EYA2: variants seen among roughly 807,000 people sequenced by gnomAD.
EYA2 encodes the protein EYA transcriptional coactivator and phosphatase 2.
Under a neutral mutation model 69.2 loss-of-function variants are expected in EYA2, and 31 were observed. The ratio of observed to expected loss-of-function variants is 0.45; its 90% CI spans 0.34 to 0.60. The LOEUF (loss-of-function observed/expected upper bound fraction) is 0.60, where lower values mean the gene tolerates loss of function less well. Among genes scored for constraint, EYA2 ranks in the 20% least tolerant of loss-of-function variants. The pLI, the probability that EYA2 is intolerant of heterozygous loss-of-function variation, is 0.02. For synonymous variants in EYA2, 257 were observed against 279.4 expected (o/e 0.92, Z 0.80); for missense variants, 622 against 701.2 (o/e 0.89, Z 1.28).
intron 5 of EYA2, among the ~76,000 whole-genome samples, chr20:47,063,392 C>T (rs12480845): frequency 1.9e-3 from 277 of 143,472 alleles, no homozygotes; most frequent in African/African-American, 5.5e-3. Context: ...TGTGCGTGTG[C>T]GTGTGTGTGT....
chr20:47,173,263 G>A (rs984329340), intron 12 of EYA2, among the ~76,000 whole-genome samples: 4 of 151,940 alleles, frequency 2.6e-5, no homozygotes, highest in Admixed American at 1.3e-4. Context: ...GAAACTCTGC[G>A]CTGGGGCCCA....
At chr20:46,990,723 G>C (rs1981601700) in intron 2 of EYA2, among the ~76,000 whole-genome samples, 1 of 152,218 alleles carries the variant, frequency 6.6e-6, no homozygotes, top group South Asian at 2.1e-4. Flanking sequence ...GTTAGCAAAA[G>C]GCATTAAGCT....
intron 2 of EYA2, among the ~76,000 whole-genome samples, chr20:46,993,167 G>A (rs1981791629): frequency 6.6e-6 from 1 of 152,174 alleles, no homozygotes; most frequent in African/African-American, 2.4e-5. Context: ...TCTGTTTAAT[G>A]GGAGTAATTA....
intron 1 of EYA2, among the ~76,000 whole-genome samples, chr20:46,934,951 C>T (rs1985845158): frequency 6.6e-6 from 1 of 152,226 alleles, no homozygotes; most frequent in East Asian, 1.9e-4. Context: ...ATTCATCCAA[C>T]ACATATTTAC....
chr20:47,133,540 G>T (rs79306458), intron 9 of EYA2, among the ~76,000 whole-genome samples: 13 of 152,124 alleles, frequency 8.5e-5, no homozygotes, highest in African/African-American at 2.9e-4. Context: ...ACTGTGTTGG[G>T]AATCCCCAAG....
chr20:47,094,878 C>A (rs1036669400), intron 8 of EYA2, among the ~76,000 whole-genome samples: 1 of 151,904 alleles, frequency 6.6e-6, no homozygotes. Context: ...AAAGAAAGAT[C>A]AAAAATTAGC....
chr20:47,136,741 CAAAAAA>C (rs11482117), intron 9 of EYA2, among the ~76,000 whole-genome samples: 1 of 108,166 alleles, frequency 9.2e-6, no homozygotes, highest in Non-Finnish European at 1.8e-5. Flanking sequence ...GACCCTGTCT[CAAAAAA>C]AAAAAAAAAA....
At chr20:46,942,167 A>G (rs1173641889) in intron 1 of EYA2, among the ~76,000 whole-genome samples, 2 of 152,038 alleles carry the variant, frequency 1.3e-5, no homozygotes, top group Admixed American at 6.6e-5. Context: ...TGGGTGGTGG[A>G]CAACCTAAGG....
intron 1 of EYA2, among the ~76,000 whole-genome samples, chr20:46,970,154 A>G (rs1158650303): frequency 1.3e-5 from 2 of 152,260 alleles, no homozygotes; most frequent in African/African-American, 4.8e-5. Context: ...ATCAGTTCTC[A>G]GATTGCCATA....
At chr20:46,954,383 CA>C (rs1455451905) in intron 1 of EYA2, among the ~76,000 whole-genome samples, 1 of 152,038 alleles carries the variant, frequency 6.6e-6, no homozygotes, top group African/African-American at 2.4e-5. Context: ...GGAAGGGGGG[CA>C]AATAAGAAAA....
At chr20:47,132,262 A>C (rs551003054) in intron 9 of EYA2, among the ~76,000 whole-genome samples, 3 of 152,312 alleles carry the variant, frequency 2.0e-5, no homozygotes, top group African/African-American at 7.2e-5. Flanking sequence ...GTGTTTTAGA[A>C]GGAGGGAGTA....
chr20:47,014,388 T>TA (rs1274317924), intron 4 of EYA2, among the ~76,000 whole-genome samples: 1 of 152,226 alleles, frequency 6.6e-6, no homozygotes, highest in African/African-American at 2.4e-5. Flanking sequence ...AATGAAATTT[T>TA]AAACAGCAAT....
chr20:47,167,778 C>T (rs1363556399), intron 10 of EYA2, among the ~76,000 whole-genome samples: 1 of 152,060 alleles, frequency 6.6e-6, no homozygotes, highest in African/African-American at 2.4e-5. Context: ...AACTTCCCAC[C>T]TCAAGATCTC....
At chr20:47,170,005 A>T (rs1237176182) in intron 11 of EYA2, among the ~76,000 whole-genome samples, 2 of 152,076 alleles carry the variant, frequency 1.3e-5, no homozygotes, top group East Asian at 3.9e-4. Flanking sequence ...TCCCAGGCTC[A>T]AGCAATTCTC....
chr20:47,093,850 G>A (rs781361581), intron 8 of EYA2, among the ~76,000 whole-genome samples: 1 of 152,184 alleles, frequency 6.6e-6, no homozygotes, highest in African/African-American at 2.4e-5. Flanking sequence ...GCTGAGTCAC[G>A]CAGGCCTGGG....
At chr20:46,990,753 C>A (rs1464282936) in intron 2 of EYA2, among the ~76,000 whole-genome samples, 1 of 152,224 alleles carries the variant, frequency 6.6e-6, no homozygotes, top group East Asian at 1.9e-4. Context: ...AACCATTGGG[C>A]TTAACCCTTT....
intron 10 of EYA2, among the ~76,000 whole-genome samples, chr20:47,156,908 A>G (rs747664251): frequency 3.3e-5 from 5 of 151,974 alleles, no homozygotes; most frequent in Non-Finnish European, 7.3e-5. Context: ...CAATTTCTGC[A>G]TTCATGTCTC....
intron 9 of EYA2, among the ~76,000 whole-genome samples, chr20:47,138,623 G>A (rs2033529638): frequency 6.6e-6 from 1 of 151,992 alleles, no homozygotes; most frequent in Non-Finnish European, 1.5e-5. Context: ...AGGCGTGGTG[G>A]TGCACACCTG....
At chr20:46,909,106 C>T (rs1984520351) in intron 1 of EYA2, among the ~76,000 whole-genome samples, 1 of 151,888 alleles carries the variant, frequency 6.6e-6, no homozygotes, top group African/African-American at 2.4e-5. Context: ...ATCTATCCTC[C>T]TTCGGGTTTT....
Sources: gnomAD v4.1 joint callset for allele counts (sites outside exome capture counted in the v4.1 genomes callset) on GRCh38, gnomAD v4.1.1 for gene constraint, MANE v1.5 for transcripts, NCBI Gene and HGNC (gene_info 2026-07-23, HGNC 2026-07-21) for gene names.